Variants in KPNA5 observed in about 807,000 individuals in gnomAD.
KPNA5 encodes karyopherin subunit alpha 5, also known as importin subunit alpha-6.
A neutral mutation model predicts 71.3 loss-of-function variants in KPNA5; 46 were observed. The observed-to-expected ratio is 0.65, with a 90% confidence interval of 0.51 to 0.83. The LOEUF (loss-of-function observed/expected upper bound fraction) is 0.83, where lower values mean the gene tolerates loss of function less well. Among genes scored for constraint, KPNA5 ranks in the 40% least tolerant of loss-of-function variants. KPNA5 has a pLI of 0.00. For synonymous variants in KPNA5, 207 were observed against 201.4 expected (o/e 1.03, Z -0.24); for missense variants, 547 against 628.3 (o/e 0.87, Z 1.38).
chr6:116,697,961 A>G (rs1778088571), intron 4 of KPNA5, among the ~76,000 whole-genome samples: 1 of 152,052 alleles, frequency 6.6e-6, no homozygotes, highest in African/African-American at 2.4e-5. Flanking sequence ...AAATAGTAAT[A>G]ATATCTGGTA....
At position 116,681,294 on chromosome 6, in the gene KPNA5, C is replaced by A; in HGVS notation, c.-41C>A. ...CTGTTACCCGCCACACACGTCGCCG[C>A]TGGGGACTGGGAAATCAGGGCATCG... On this transcript the variant is annotated 5_prime_UTR_variant, in exon 1 of 14. In the 5' UTR this introduces an upstream ATG that the reference lacks. Coordinates refer to ENST00000368564, the MANE Select transcript of KPNA5 (RefSeq NM_001366306.2). 6.2e-7 allele frequency: 1 copy of A among 1,610,244 alleles called. No individual in the cohort carries two copies. Among genetic ancestry groups the A allele is most frequent in the African/African-American group, 1.3e-5 (1 of 74,732 alleles).
intron 4 of KPNA5, among the ~76,000 whole-genome samples, chr6:116,693,507 T>C (rs1039738791): frequency 1.5e-4 from 23 of 152,386 alleles, no homozygotes; most frequent in African/African-American, 5.5e-4. Flanking sequence ...CATTTTTTTA[T>C]GTGTCTTTTG....
In KPNA5 at chr6:116,681,327, C is replaced by T; in HGVS notation, c.-8C>T. Reference sequence around the variant, plus strand: ...TGGGAAATCAGGGCATCGGAGAGTGCCACATTAATGGGTAAGTTGGAGTGA... The same window carrying T: ...TGGGAAATCAGGGCATCGGAGAGTGTCACATTAATGGGTAAGTTGGAGTGA... On this transcript the variant is annotated 5_prime_UTR_variant, in exon 1 of 14. Transcript: ENST00000368564. 6.2e-7 allele frequency: 1 copy of T among 1,606,356 alleles called. No homozygotes were observed. The highest frequency in any genetic ancestry group is 8.5e-7 in the Non-Finnish European group (1 of 1,175,962).
Position 116,732,654 on chromosome 6 carries a change from T to C in KPNA5, c.*331T>C, listed in dbSNP as rs1465821814. The C allele has an allele frequency of 6.4e-6, 1 of 156,896 alleles. No homozygotes were observed. The highest frequency in any genetic ancestry group is 2.4e-5 in the African/African-American group (1 of 41,596). 9.7% of individuals were successfully genotyped at this position (156,896 alleles called of 1,614,324 possible). On this transcript the variant is annotated 3_prime_UTR_variant, in exon 14 of 14. Coordinates refer to ENST00000368564, the MANE Select transcript of KPNA5 (RefSeq NM_001366306.2). ...AGCATTACTTAGTAATTCTGAATTT[T>C]TTCAAGCATTCTTGGAAACTGCACA...
intron 4 of KPNA5, 106 bp from the exon 5 acceptor site, chr6:116,698,598 G>C: frequency 1.6e-6 from 1 of 634,204 alleles, no homozygotes. Context: ...CTTGGGTCAG[G>C]GAAACCTAGG....
chr6:116,716,366 G>T (rs765064911), intron 8 of KPNA5, 48 bp downstream of exon 8: 4 of 1,279,022 alleles, frequency 3.1e-6, no homozygotes, highest in African/African-American at 1.5e-5. Flanking sequence ...ATAAACCTAA[G>T]TTTCTATATA....
At position 116,698,779 on chromosome 6, in the gene KPNA5, A is replaced by G. The variant is rs990960830; in HGVS notation, c.416A>G (p.Asn139Ser). The G allele has an allele frequency of 6.3e-7, 1 of 1,590,378 alleles. No individual in the cohort carries two copies. Among genetic ancestry groups the G allele is most frequent in the African/African-American group, 1.4e-5 (1 of 73,876 alleles). The change falls in exon 5 of 14, where the codon AAT (asparagine) becomes AGT (serine). Residue 139 changes from asparagine (N) to serine (S), a missense_variant. Physicochemically the swap from Asn to Ser is conservative, Grantham distance 46. Coordinates refer to ENST00000368564, the MANE Select transcript of KPNA5 (RefSeq NM_001366306.2). ...VQRFVKFLER[N>S]ENCTLQFEAA... ...AGATTTGTGAAATTTCTTGAAAGAA[A>G]TGAAAATTGCACTTTACAAGTGAGT...
intron 5 of KPNA5, among the ~76,000 whole-genome samples, chr6:116,700,663 G>A (rs942768390): frequency 6.6e-6 from 1 of 152,146 alleles, no homozygotes; most frequent in African/African-American, 2.4e-5. Flanking sequence ...CTACAAACAA[G>A]TTTTGTTGGC....
In KPNA5 at chr6:116,740,457, C is replaced by G. The variant is rs906116347; in HGVS notation, c.*8134C>G. 1.3e-5 allele frequency: 2 copies of G among 152,164 alleles called. No individual in the cohort carries two copies. The highest frequency in any genetic ancestry group is 2.1e-4 in the South Asian group (1 of 4,826). 9.4% of individuals were successfully genotyped at this position (152,164 alleles called of 1,614,324 possible). The stretch of plus-strand genomic sequence containing the variant: ...TTGGCGATTCCTCAGTGATCTAGAA[C>G]TAGAAATACCATTTGACCCAGCCAT... On this transcript the variant is annotated 3_prime_UTR_variant, in exon 14 of 14. Transcript: ENST00000368564.
intron 13 of KPNA5, among the ~76,000 whole-genome samples, chr6:116,731,412 T>C (rs1779476775): frequency 6.6e-6 from 1 of 152,168 alleles, no homozygotes; most frequent in Non-Finnish European, 1.5e-5. Context: ...TATTCTGTGA[T>C]TGTGTATAGA....
intron 7 of KPNA5, 120 bp from the exon 8 acceptor site, chr6:116,716,099 T>C (rs1778873498): frequency 1.5e-6 from 1 of 688,896 alleles, no homozygotes; most frequent in South Asian, 2.0e-5. Flanking sequence ...AGATTCTTTT[T>C]TCCTATTTTG....
chr6:116,684,053 C>T (rs1466534389), intron 1 of KPNA5, among the ~76,000 whole-genome samples: 1 of 151,656 alleles, frequency 6.6e-6, no homozygotes, highest in Non-Finnish European at 1.5e-5. Context: ...GCTGGGATTA[C>T]AGGCTTCTAC....
At chr6:116,726,390 T>A in intron 11 of KPNA5, 105 bp from the exon 12 acceptor site, 1 of 855,686 alleles carries the variant, frequency 1.2e-6, no homozygotes, top group Non-Finnish European at 1.8e-6. Flanking sequence ...ATGTCAAGGT[T>A]CCAAAAACCT....
intron 1 of KPNA5, among the ~76,000 whole-genome samples, chr6:116,685,661 C>G (rs1355649015): frequency 6.6e-6 from 1 of 152,128 alleles, no homozygotes; most frequent in East Asian, 1.9e-4. Flanking sequence ...TGTTTATGTA[C>G]CACATTTTCT....
At chr6:116,690,756 A>G (rs541996882) in intron 2 of KPNA5, among the ~76,000 whole-genome samples, 2 of 152,210 alleles carry the variant, frequency 1.3e-5, no homozygotes, top group South Asian at 4.1e-4. Context: ...CCTTGGTTCC[A>G]GGATCCTCTG....
At chr6:116,732,075 TATATATATA>T (rs561024623) in intron 13 of KPNA5, 52 bp from the exon 14 acceptor site, 1 of 125,430 alleles carries the variant, frequency 8.0e-6, no homozygotes, top group African/African-American at 5.0e-5. Context: ...ACAGTTTGTT[TATATATATA>T]TATATATATA....
chr6:116,718,890 C>G (rs571720469), intron 8 of KPNA5, among the ~76,000 whole-genome samples: 24 of 152,150 alleles, frequency 1.6e-4, no homozygotes, highest in African/African-American at 5.8e-4. Context: ...GCCTCAGCCC[C>G]CCAAGTAGCT....
rs113069826 is a variant in KPNA5 at position 116,715,914 on chromosome 6, C to CA, written c.657-294dup. Among the ~76,000 whole-genome samples the CA allele has an allele frequency of 9.5e-3, 1,175 of 123,080 alleles. 11 individuals carry two copies. Among genetic ancestry groups the CA allele is most frequent in the African/African-American group, 0.031 (1,061 of 33,750 alleles). 80.7% of individuals were successfully genotyped at this position (123,080 alleles called of 152,430 possible). On this transcript the variant is annotated intron_variant, in intron 7 of 13. Transcript: ENST00000368564. ...TGGGTGACAGAGTGAGACTCTGACT[C>CA]AAAAAAAAAAAGAAAAAGAAAAATT...
intron 2 of KPNA5, among the ~76,000 whole-genome samples, chr6:116,690,553 G>C (rs1030836119): frequency 6.6e-6 from 1 of 150,874 alleles, no homozygotes; most frequent in African/African-American, 2.4e-5. Context: ...TGAGGCAGGA[G>C]AATGGCGTGA....
Sources: allele counts gnomAD v4.1 joint callset (sites outside exome capture counted in the v4.1 genomes callset), GRCh38; gene constraint gnomAD v4.1.1; transcripts MANE v1.5; gene names NCBI Gene and HGNC (gene_info 2026-07-23, HGNC 2026-07-21).